KCNH1: variants seen among roughly 807,000 people sequenced by gnomAD.
KCNH1 encodes the protein voltage-gated delayed rectifier potassium channel KCNH1.
Under a neutral mutation model 69.2 loss-of-function variants are expected in KCNH1, and 27 were observed. That is an observed-to-expected ratio of 0.39 (90% CI 0.29 to 0.54). The LOEUF is 0.54. Ranked by LOEUF, KCNH1 falls within the 20% of genes least tolerant of loss-of-function variation. The pLI, the probability that KCNH1 is intolerant of heterozygous loss-of-function variation, is 0.68. For missense variants in KCNH1, 798 were observed against 1,261.6 expected, an observed-to-expected ratio of 0.63 and a Z score of 5.57; for synonymous variants, 456 against 487.7, an observed-to-expected ratio of 0.93 and a Z score of 0.86.
intron 7 of KCNH1, among the ~76,000 whole-genome samples, chr1:210,825,869 G>A (rs912409196): frequency 3.9e-5 from 6 of 152,284 alleles, no homozygotes; most frequent in African/African-American, 1.2e-4. Context: ...TATTTCACTT[G>A]TATCATTGTT....
chr1:210,845,421 A>G (rs1189146382), intron 7 of KCNH1, among the ~76,000 whole-genome samples: 1 of 152,090 alleles, frequency 6.6e-6, no homozygotes, highest in Non-Finnish European at 1.5e-5. Context: ...AGGCTGGTTA[A>G]ACATACGCAA....
intron 5 of KCNH1, among the ~76,000 whole-genome samples, chr1:211,050,654 T>G (rs981189116): frequency 5.3e-5 from 8 of 152,240 alleles, no homozygotes; most frequent in Non-Finnish European, 1.0e-4. Flanking sequence ...ACTTTTAATC[T>G]TGAAATCTTC....
At chr1:210,998,380 A>G (rs555893289) in intron 6 of KCNH1, among the ~76,000 whole-genome samples, 12 of 152,278 alleles carry the variant, frequency 7.9e-5, no homozygotes, top group South Asian at 2.1e-4. Context: ...TGATAAAACA[A>G]ACTTTAAAGC....
chr1:211,103,217 A>G (rs565646740), intron 3 of KCNH1, among the ~76,000 whole-genome samples: 1 of 152,332 alleles, frequency 6.6e-6, no homozygotes, highest in East Asian at 1.9e-4. Flanking sequence ...CTAGCAACTC[A>G]CCATATGTAA....
chr1:211,086,190 AT>A lies in KCNH1; in HGVS notation c.440-3293del, dbSNP rs71134654. ...TATATTGGACAAATAAAGAACAAATATTTTTTTTTCTCTCATCACCCTACTT... is the reference window on the plus strand; with the variant it reads ...TATATTGGACAAATAAAGAACAAATATTTTTTTTCTCTCATCACCCTACTT... On this transcript the variant is annotated intron_variant, in intron 4 of 10. Coordinates refer to ENST00000271751, the MANE Select transcript of KCNH1 (RefSeq NM_172362.3). 8.7e-3 allele frequency among the ~76,000 whole-genome samples: 1,315 copies of A among 151,814 alleles called. 13 individuals carry two copies. The highest frequency in any genetic ancestry group is 0.014 in the Non-Finnish European group (956 of 67,900).
chr1:210,699,931 C>A (rs1266763019), intron 10 of KCNH1, among the ~76,000 whole-genome samples: 1 of 152,154 alleles, frequency 6.6e-6, no homozygotes, highest in Non-Finnish European at 1.5e-5. Flanking sequence ...TTCCTCCTGA[C>A]CAGCTGCCAA....
intron 7 of KCNH1, among the ~76,000 whole-genome samples, chr1:210,810,335 A>G (rs1044357838): frequency 1.3e-5 from 2 of 152,148 alleles, no homozygotes; most frequent in Non-Finnish European, 2.9e-5. Flanking sequence ...CGCTTTCTAC[A>G]AGGTTCTGAA....
chr1:210,893,585 A>G (rs1186982713), intron 7 of KCNH1, among the ~76,000 whole-genome samples: 1 of 151,716 alleles, frequency 6.6e-6, no homozygotes, highest in Non-Finnish European at 1.5e-5. Flanking sequence ...TTCAGCCATT[A>G]TTTCTTCAAA....
At chr1:210,709,096 C>G (rs1016931294) in intron 10 of KCNH1, among the ~76,000 whole-genome samples, 2 of 152,078 alleles carry the variant, frequency 1.3e-5, no homozygotes, top group African/African-American at 4.8e-5. Flanking sequence ...ACTAAAAATA[C>G]AAAAATCAGC....
chr1:210,758,352 C>T (rs924305242), intron 10 of KCNH1, among the ~76,000 whole-genome samples: 28 of 152,170 alleles, frequency 1.8e-4, no homozygotes, highest in African/African-American at 4.8e-4. Context: ...TCTCTCTCAT[C>T]GCAGGACAGG....
chr1:210,925,856 C>G (rs1452717433), intron 6 of KCNH1, among the ~76,000 whole-genome samples: 1 of 152,214 alleles, frequency 6.6e-6, no homozygotes, highest in Admixed American at 6.5e-5. Context: ...CCTGAGAAAC[C>G]TGAATACTTA....
intron 3 of KCNH1, among the ~76,000 whole-genome samples, 169 bp from the exon 4 acceptor site, chr1:211,090,859 A>G (rs1691039552): frequency 6.6e-6 from 1 of 152,242 alleles, no homozygotes; most frequent in Non-Finnish European, 1.5e-5. Flanking sequence ...TCTTGCTGGA[A>G]TAAAAACTTT....
At chr1:210,751,095 G>C (rs1683273762) in intron 10 of KCNH1, among the ~76,000 whole-genome samples, 1 of 152,178 alleles carries the variant, frequency 6.6e-6, no homozygotes, top group Non-Finnish European at 1.5e-5. Context: ...AGGCATCTTT[G>C]AGTTGTGGTT....
intron 10 of KCNH1, among the ~76,000 whole-genome samples, chr1:210,703,823 G>A (rs1007174472): frequency 6.6e-6 from 1 of 152,096 alleles, no homozygotes; most frequent in Admixed American, 6.5e-5. Flanking sequence ...CTGTAATCTC[G>A]GGCTTGTGCT....
Position 211,107,266 on chromosome 1 carries a change from C to CT in KCNH1, c.190dup (p.Ser64LysfsTer13). 6.2e-7 allele frequency: 1 copy of CT among 1,613,792 alleles called. No homozygotes were observed. On this transcript the variant is annotated frameshift_variant, in exon 2 of 11. Transcript: ENST00000271751. LOFTEE classifies it high-confidence loss of function. ...CAAACATAAATACCTGCAGGTGCTG[C>CT]TTTTTTGCATCACTTCTGCCCTGTG...
rs551675112 is a variant in KCNH1, at chr1:210,686,254, A to G, written c.2113-2116T>C. ...GGGACCCTTTTCACTCTGTGCTCTG[A>G]GTTGGATGCCTCTGTACACACTGTG... is the stretch of plus-strand genomic sequence containing the variant. On this transcript the variant is annotated intron_variant, in intron 10 of 10. Coordinates refer to ENST00000271751, the MANE Select transcript of KCNH1 (RefSeq NM_172362.3). Among the ~76,000 whole-genome samples the G allele has an allele frequency of 8.5e-5, 13 of 152,282 alleles. No individual in the cohort carries two copies. The East Asian group carries it at 1.9e-3, about 23-fold the overall frequency.
intron 2 of KCNH1, 87 bp downstream of exon 2, chr1:211,107,167 G>C: frequency 2.1e-6 from 3 of 1,462,832 alleles, no homozygotes; most frequent in Non-Finnish European, 1.9e-6. Flanking sequence ...ATGAGGTAAA[G>C]GCAATTCCCG....
chr1:210,742,664 C>T (rs1043215762), intron 10 of KCNH1, among the ~76,000 whole-genome samples: 1 of 152,122 alleles, frequency 6.6e-6, no homozygotes, highest in African/African-American at 2.4e-5. Context: ...TCCCTAGTGC[C>T]GCACCTTCCC....
At chr1:210,835,069 T>G (rs558780722) in intron 7 of KCNH1, among the ~76,000 whole-genome samples, 1 of 152,172 alleles carries the variant, frequency 6.6e-6, no homozygotes, top group African/African-American at 2.4e-5. Context: ...TGATCTTCAG[T>G]TGAGTGCCTA....
Sources: gnomAD v4.1 joint callset for allele counts (sites outside exome capture counted in the v4.1 genomes callset) on GRCh38, gnomAD v4.1.1 for gene constraint, MANE v1.5 for transcripts, NCBI Gene and HGNC (gene_info 2026-07-23, HGNC 2026-07-21) for gene names.